The following SPAG9 variants were observed in gnomAD, a reference collection of about 807,000 sequenced individuals.
The protein encoded by SPAG9 is C-Jun-amino-terminal kinase-interacting protein 4.
Under a neutral mutation model 166.5 loss-of-function variants are expected in SPAG9, and 35 were observed. The ratio of observed to expected loss-of-function variants is 0.21; its 90% confidence interval spans 0.16 to 0.28. SPAG9 has a LOEUF of 0.28. SPAG9 is among the 10% of genes least tolerant of loss of function. The pLI is 1.00. For missense variants in SPAG9, 1,235 were observed against 1,603.3 expected, an observed-to-expected ratio of 0.77 and a Z score of 3.92; for synonymous variants, 534 against 565.5, an observed-to-expected ratio of 0.94 and a Z score of 0.79.
intron 6 of SPAG9, among the ~76,000 whole-genome samples, chr17:51,025,483 AC>A (rs967664955): frequency 1.1e-3 from 162 of 148,388 alleles, no homozygotes; most frequent in African/African-American, 3.8e-3. Flanking sequence ...AAAAAAAAAA[AC>A]TGACAGTATT....
intron 21 of SPAG9, 125 bp from the exon 22 acceptor site, chr17:50,987,362 T>G: frequency 1.2e-6 from 1 of 865,740 alleles, no homozygotes; most frequent in Non-Finnish European, 1.7e-6. Context: ...TTTTTAGAGA[T>G]AGGGTATCAC....
At chr17:51,110,885 C>T (rs777467329) in intron 1 of SPAG9, among the ~76,000 whole-genome samples, 23 of 152,076 alleles carry the variant, frequency 1.5e-4, no homozygotes, top group African/African-American at 5.5e-4. Flanking sequence ...TTTGGGAGGC[C>T]GAGGCGGGCA....
intron 6 of SPAG9, 123 bp from the exon 7 acceptor site, chr17:51,021,488 T>A: frequency 1.3e-6 from 1 of 748,442 alleles, no homozygotes; most frequent in Non-Finnish European, 2.1e-6. Flanking sequence ...ATAAAGGCAA[T>A]AAAGAGCCAC....
At chr17:50,980,290 C>T (rs1464455085) in intron 25 of SPAG9, among the ~76,000 whole-genome samples, 2 of 152,062 alleles carry the variant, frequency 1.3e-5, no homozygotes. Context: ...ACTGCAACCT[C>T]CCCTTCCTGG....
At chr17:51,034,437 T>C (rs2046505723) in intron 5 of SPAG9, among the ~76,000 whole-genome samples, 3 of 152,192 alleles carry the variant, frequency 2.0e-5, no homozygotes, top group South Asian at 4.1e-4. Flanking sequence ...GAGCATCTTA[T>C]GGTGCCAATA....
chr17:51,031,470 T>C (rs1325786915), intron 6 of SPAG9: 1 of 560,014 alleles, frequency 1.8e-6, no homozygotes, highest in Non-Finnish European at 3.2e-6. Context: ...TATTTAAAAA[T>C]GCTTACTTTG....
At chr17:51,084,780 T>C (rs938821323) in intron 1 of SPAG9, among the ~76,000 whole-genome samples, 2 of 152,020 alleles carry the variant, frequency 1.3e-5, no homozygotes, top group Non-Finnish European at 2.9e-5. Context: ...CAGCATTATG[T>C]TTACCAAGTA....
intron 3 of SPAG9, among the ~76,000 whole-genome samples, chr17:51,056,211 C>T (rs1329064960): frequency 6.6e-6 from 1 of 152,168 alleles, no homozygotes; most frequent in Non-Finnish European, 1.5e-5. Context: ...TAATTCACCC[C>T]ATGAAAAGCT....
chr17:51,095,484 C>T (rs2048586821), intron 1 of SPAG9, among the ~76,000 whole-genome samples: 2 of 150,748 alleles, frequency 1.3e-5, no homozygotes, highest in African/African-American at 4.9e-5. Flanking sequence ...AACCCCTTCT[C>T]TACTGAAAAT....
intron 1 of SPAG9, among the ~76,000 whole-genome samples, chr17:51,091,815 TAA>T (rs572412313): frequency 1.4e-5 from 2 of 143,458 alleles, no homozygotes; most frequent in Admixed American, 7.0e-5. Context: ...TAGACACCGT[TAA>T]AAAAAAAAAA....
At chr17:51,105,635 C>T (rs1357051885) in intron 1 of SPAG9, among the ~76,000 whole-genome samples, 3 of 151,836 alleles carry the variant, frequency 2.0e-5, no homozygotes, top group East Asian at 3.9e-4. Context: ...CTTTGGGAGG[C>T]GAGGTGGGCA....
At chr17:51,110,522 T>A (rs570922434) in intron 1 of SPAG9, among the ~76,000 whole-genome samples, 52 of 151,334 alleles carry the variant, frequency 3.4e-4, no homozygotes, top group Non-Finnish European at 6.9e-4. Context: ...GAAACCCGTC[T>A]TTACAAAATA....
chr17:51,116,254 G>A (rs1042037719), intron 1 of SPAG9, among the ~76,000 whole-genome samples: 1 of 151,970 alleles, frequency 6.6e-6, no homozygotes, highest in Non-Finnish European at 1.5e-5. Flanking sequence ...TCATGTTGGC[G>A]AGGCTGGTCC....
chr17:51,026,960 G>T (rs927836453), intron 6 of SPAG9, among the ~76,000 whole-genome samples: 5 of 152,136 alleles, frequency 3.3e-5, no homozygotes, highest in African/African-American at 1.2e-4. Context: ...AGAGATGTGA[G>T]CCACTGCGCC....
chr17:51,109,653 T>C lies in SPAG9; in HGVS notation c.303+10701A>G, dbSNP rs139237110. Among the ~76,000 whole-genome samples the C allele has an allele frequency of 1.3e-3, 200 of 152,298 alleles. 1 individual carries two copies. The highest frequency in any genetic ancestry group is 4.6e-3 in the African/African-American group (190 of 41,578). The stretch of plus-strand genomic sequence containing the variant: ...AGTTAGCTATATAATAACTGACACA[T>C]ACTGTGCTCTTAAAAATTAATTCAA... On this transcript the variant is annotated intron_variant, in intron 1 of 29. Coordinates refer to ENST00000262013, the MANE Select transcript of SPAG9 (RefSeq NM_001130528.3).
intron 3 of SPAG9, among the ~76,000 whole-genome samples, chr17:51,051,551 C>T (rs2047185482): frequency 6.6e-6 from 1 of 152,170 alleles, no homozygotes; most frequent in African/African-American, 2.4e-5. Flanking sequence ...GAAACCCAGT[C>T]TCTACTAAAA....
chr17:51,044,160 A>G (rs889100375), intron 4 of SPAG9, among the ~76,000 whole-genome samples: 1 of 152,180 alleles, frequency 6.6e-6, no homozygotes, highest in Non-Finnish European at 1.5e-5. Context: ...TACAAATTAC[A>G]TACAGTTGGG....
intron 2 of SPAG9, among the ~76,000 whole-genome samples, chr17:51,067,750 A>T (rs761883490): frequency 6.6e-6 from 1 of 152,182 alleles, no homozygotes; most frequent in Non-Finnish European, 1.5e-5. Flanking sequence ...AAGAAAAAAA[A>T]GGTGAGGGGG....
Position 51,077,093 on chromosome 17 carries a change from T to TAG in SPAG9, c.424+2490_424+2491insCT, listed in dbSNP as rs1555655360. On this transcript the variant is annotated intron_variant, in intron 2 of 29. Transcript: ENST00000262013. ...AGCTATCTAGCTATCTAGCTAGCTA[T>TAG]CTATCTAGCTAGCTATCTAGCTATC... Among the ~76,000 whole-genome samples the TAG allele has an allele frequency of 2.4e-3, 134 of 55,988 alleles. 1 individual carries two copies. Among genetic ancestry groups the TAG allele is most frequent in the Admixed American group, 0.01 (62 of 6,144 alleles). 36.7% of individuals were successfully genotyped at this position (55,988 alleles called of 152,430 possible). A position where few individuals can be genotyped will look rare whatever the true frequency, so the allele number is the denominator to read the frequency against.
Sources: allele counts gnomAD v4.1 joint callset (sites outside exome capture counted in the v4.1 genomes callset), GRCh38; gene constraint gnomAD v4.1.1; transcripts MANE v1.5; gene names NCBI Gene and HGNC (gene_info 2026-07-23, HGNC 2026-07-21).